CD226: variants seen among roughly 807,000 people sequenced by gnomAD.
CD226 encodes the protein CD226 molecule, also known as CD226 antigen.
CD226 carries 24 observed loss-of-function variants against 34.9 expected under a neutral mutation model. That is an observed-to-expected ratio of 0.69 (90% CI 0.50 to 0.97). The LOEUF is 0.97. Ranked by LOEUF, CD226 falls within the 50% of genes least tolerant of loss-of-function variation. The pLI, the probability that CD226 is intolerant of heterozygous loss-of-function variation, is 0.00. For missense variants in CD226, 397 were observed against 412.7 expected, an observed-to-expected ratio of 0.96 and a Z score of 0.33; for synonymous variants, 148 against 147.4, an observed-to-expected ratio of 1.00 and a Z score of -0.03.
chr18:69,954,860 T>C (rs544555192), intron 1 of CD226, among the ~76,000 whole-genome samples: 15 of 152,224 alleles, frequency 9.9e-5, no homozygotes, highest in African/African-American at 2.9e-4. Flanking sequence ...TATCAACATC[T>C]AACCAAAGAC....
intron 3 of CD226, among the ~76,000 whole-genome samples, chr18:69,882,433 G>A (rs1346999623): frequency 6.6e-6 from 1 of 152,164 alleles, no homozygotes; most frequent in African/African-American, 2.4e-5. Context: ...ATTCAGTACT[G>A]TGGGCCATAA....
Position 69,855,778 on chromosome 18 carries a change from AGTT to A in CD226, c.*8533_*8535del, listed in dbSNP as rs957142489. The A allele has an allele frequency of 6.6e-6, 1 of 152,188 alleles. No homozygotes were observed. The highest frequency in any genetic ancestry group is 2.4e-5 in the African/African-American group (1 of 41,468). 9.4% of individuals were successfully genotyped at this position (152,188 alleles called of 1,614,324 possible). Reference sequence around the variant, plus strand: ...GAAAGAACGAGTGCAAGGATAGAAAAGTTACAAACATAGTAGATATTAATCCAA... The same window carrying A: ...GAAAGAACGAGTGCAAGGATAGAAAAACAAACATAGTAGATATTAATCCAA... On this transcript the variant is annotated 3_prime_UTR_variant, in exon 6 of 6. Coordinates refer to ENST00000582621, the MANE Select transcript of CD226 (RefSeq NM_001303618.2).
rs1299960171 is a variant in CD226 at position 69,867,426 on chromosome 18, C to T, written c.831-15G>A. The T allele has an allele frequency of 6.8e-7, 1 of 1,473,438 alleles. No homozygotes were observed. The highest frequency in any genetic ancestry group is 1.7e-5 in the Admixed American group (1 of 59,868). 91.3% of individuals were successfully genotyped at this position (1,473,438 alleles called of 1,614,324 possible). ...TCCTTCTCCTTCTGGAATGCATATT[C>T]AATAAAGGATATAAAGATATGATAT... On this transcript the variant is annotated splice_polypyrimidine_tract_variant and intron_variant, in intron 4 of 5. Transcript: ENST00000582621.
At chr18:69,943,785 G>A (rs1040302818) in intron 2 of CD226, among the ~76,000 whole-genome samples, 1 of 152,138 alleles carries the variant, frequency 6.6e-6, no homozygotes, top group African/African-American at 2.4e-5. Flanking sequence ...CAATACAAAC[G>A]TTCAAGTGCA....
At chr18:69,923,889 G>A (rs2055487060) in intron 2 of CD226, among the ~76,000 whole-genome samples, 4 of 150,896 alleles carry the variant, frequency 2.7e-5, no homozygotes, top group East Asian at 2.0e-4. Flanking sequence ...AGGAGGCGGA[G>A]CTTGCAGTGA....
chr18:69,910,850 T>G (rs1007797534), intron 2 of CD226, among the ~76,000 whole-genome samples: 1 of 152,074 alleles, frequency 6.6e-6, no homozygotes, highest in Non-Finnish European at 1.5e-5. Flanking sequence ...AGGGCCAGAT[T>G]TGGGAGTCTA....
chr18:69,882,856 C>T (rs969198651), intron 3 of CD226, among the ~76,000 whole-genome samples: 5 of 152,162 alleles, frequency 3.3e-5, no homozygotes, highest in African/African-American at 1.2e-4. Flanking sequence ...TTTGTAGAGA[C>T]AAGATCTCGC....
chr18:69,921,671 A>G (rs2055453843), intron 2 of CD226, among the ~76,000 whole-genome samples: 1 of 152,140 alleles, frequency 6.6e-6, no homozygotes, highest in South Asian at 2.1e-4. Context: ...ATATTATCTT[A>G]AATCACTTGT....
chr18:69,872,261 GAAT>G (rs1983583137), intron 4 of CD226, among the ~76,000 whole-genome samples: 1 of 151,974 alleles, frequency 6.6e-6, no homozygotes, highest in African/African-American at 2.4e-5. Flanking sequence ...ACATTATAAG[GAAT>G]AATTTCAACC....
chr18:69,878,162 G>T (rs1983992536), intron 3 of CD226, among the ~76,000 whole-genome samples: 1 of 152,100 alleles, frequency 6.6e-6, no homozygotes, highest in African/African-American at 2.4e-5. Flanking sequence ...TCTTTAAAAA[G>T]GAAGCCCTTT....
In CD226 at chr18:69,854,237, A is replaced by G. The variant is rs1056389277; in HGVS notation, c.*10077T>C. On this transcript the variant is annotated 3_prime_UTR_variant, in exon 6 of 6. Coordinates refer to ENST00000582621, the MANE Select transcript of CD226 (RefSeq NM_001303618.2). ...AGGTCCTGAGCAAACTGCCACCCCA[A>G]AATCTGGAGATACAGATACATCCAG... The G allele has an allele frequency of 6.6e-6, 1 of 152,252 alleles. No homozygotes were observed. The highest frequency in any genetic ancestry group is 1.5e-5 in the Non-Finnish European group (1 of 68,058). The allele number at this position is 152,252 out of a possible 1,614,324, so 9.4% of individuals were successfully genotyped here.
At chr18:69,892,444 G>A (rs935610551) in intron 3 of CD226, among the ~76,000 whole-genome samples, 4 of 152,036 alleles carry the variant, frequency 2.6e-5, no homozygotes, top group Admixed American at 6.6e-5. Flanking sequence ...TGCTCCCCCC[G>A]TCCCCACTTT....
intron 3 of CD226, among the ~76,000 whole-genome samples, chr18:69,874,211 A>G (rs974756257): frequency 5.9e-5 from 9 of 152,234 alleles, no homozygotes; most frequent in Admixed American, 5.9e-4. Flanking sequence ...CAGAATTGTG[A>G]TGAGACTCTC....
rs183726227 is a variant in CD226 at position 69,864,383 on chromosome 18, C to G, written c.942G>C (p.Met314Ile). The change falls in exon 6 of 6, where the codon ATG (methionine) becomes ATC (isoleucine). Residue 314 changes from methionine to isoleucine, a missense_variant. Coordinates refer to ENST00000582621, the MANE Select transcript of CD226 (RefSeq NM_001303618.2). ...ISTSQPTNQS[M>I]DDTREDIYVN... ...CATAAATATCCTCTCTTGTATCATC[C>G]ATGGATTGATTGGTAGGTTGACTGG... 1.2e-6 allele frequency: 2 copies of G among 1,613,412 alleles called. No homozygotes were observed. Among genetic ancestry groups the G allele is most frequent in the Admixed American group, 3.3e-5 (2 of 60,014 alleles).
intron 1 of CD226, among the ~76,000 whole-genome samples, chr18:69,954,450 G>T (rs1002919125): frequency 1.3e-5 from 2 of 152,190 alleles, no homozygotes; most frequent in Admixed American, 1.3e-4. Flanking sequence ...TGGGTAAAGT[G>T]GGGTAGAGGT....
chr18:69,869,741 C>CCAT (rs2145183088), intron 4 of CD226, among the ~76,000 whole-genome samples: 1 of 150,926 alleles, frequency 6.6e-6, no homozygotes, highest in South Asian at 2.1e-4. Context: ...CGTTGACCAG[C>CCAT]CATTCTGGTT....
chr18:69,912,602 G>C (rs1437779195), intron 2 of CD226, among the ~76,000 whole-genome samples: 1 of 152,134 alleles, frequency 6.6e-6, no homozygotes, highest in Non-Finnish European at 1.5e-5. Flanking sequence ...CCTCTGATTT[G>C]CTCAGGGATT....
chr18:69,871,904 A>G (rs1047668402), intron 4 of CD226, among the ~76,000 whole-genome samples: 2 of 152,208 alleles, frequency 1.3e-5, no homozygotes, highest in East Asian at 3.8e-4. Context: ...AAGAAGACCC[A>G]GGGAAACTGG....
intron 2 of CD226, 136 bp from the exon 3 acceptor site, chr18:69,896,181 C>CCT (rs1985281471): frequency 1.7e-6 from 2 of 1,206,752 alleles, no homozygotes; most frequent in Non-Finnish European, 1.1e-6. Flanking sequence ...CTTTATACTA[C>CCT]TTTTTTTTTT....
Sources: gnomAD v4.1 joint callset for allele counts (sites outside exome capture counted in the v4.1 genomes callset) on GRCh38, gnomAD v4.1.1 for gene constraint, MANE v1.5 for transcripts, NCBI Gene and HGNC (gene_info 2026-07-23, HGNC 2026-07-21) for gene names.